CHSY1: variants seen among roughly 807,000 people sequenced by gnomAD.
CHSY1 encodes the protein N-acetylgalactosaminyl-proteoglycan 3-beta-glucuronosyltransferase 1.
A neutral mutation model predicts 59.8 loss-of-function variants in CHSY1; 13 were observed. That is an observed-to-expected ratio of 0.22 (90% CI 0.14 to 0.35). The LOEUF (loss-of-function observed/expected upper bound fraction) is 0.35. Among genes scored for constraint, CHSY1 ranks in the 10% least tolerant of loss-of-function variants. The pLI is 1.00. For missense variants in CHSY1, 947 were observed against 1,030.6 expected (o/e 0.92, Z 1.11); for synonymous variants, 459 against 401.2 (o/e 1.14, Z -1.72).
Position 101,195,514 on chromosome 15 carries a change from T to C in CHSY1, c.817-16534A>G, listed in dbSNP as rs77199806. On this transcript the variant is annotated intron_variant, in intron 2 of 2. Coordinates refer to ENST00000254190, the MANE Select transcript of CHSY1 (RefSeq NM_014918.5). ...TGTGTCAACCGAAAGCTACAAACTTTTTATTACATTTTTTATTTAAAAGCT... is the reference window on the plus strand; with the variant it reads ...TGTGTCAACCGAAAGCTACAAACTTCTTATTACATTTTTTATTTAAAAGCT... 3.2e-3 allele frequency among the ~76,000 whole-genome samples: 494 copies of C among 152,312 alleles called. 1 individual carries two copies. The highest frequency in any genetic ancestry group is 0.011 in the African/African-American group (458 of 41,562).
chr15:101,217,838 C>T (rs1294452343), intron 2 of CHSY1, among the ~76,000 whole-genome samples: 1 of 152,106 alleles, frequency 6.6e-6, no homozygotes, highest in Non-Finnish European at 1.5e-5. Context: ...AACTCCCCAC[C>T]CGTAAGTGTG....
At chr15:101,222,279 A>ACAGAGG (rs1567101192) in intron 2 of CHSY1, among the ~76,000 whole-genome samples, 1 of 152,236 alleles carries the variant, frequency 6.6e-6, no homozygotes, top group Non-Finnish European at 1.5e-5. Flanking sequence ...CCATCAGGAT[A>ACAGAGG]CAGAGGCAGA....
chr15:101,212,507 G>A (rs2038691956), intron 2 of CHSY1, among the ~76,000 whole-genome samples: 1 of 152,188 alleles, frequency 6.6e-6, no homozygotes, highest in South Asian at 2.1e-4. Flanking sequence ...AGTGAGAGAA[G>A]CCTTATACAA....
intron 2 of CHSY1, among the ~76,000 whole-genome samples, chr15:101,234,184 C>T (rs1237795950): frequency 6.6e-6 from 1 of 152,140 alleles, no homozygotes; most frequent in African/African-American, 2.4e-5. Flanking sequence ...TTATGTGTCA[C>T]GGTAACTCAG....
intron 1 of CHSY1, among the ~76,000 whole-genome samples, chr15:101,241,884 G>A (rs8029617): frequency 0.28 from 42,996 of 151,950 alleles, 8,105 homozygotes; most frequent in African/African-American, 0.54. Flanking sequence ...ATCCACAGAC[G>A]CTTTAGTCCC....
At position 101,251,526 on chromosome 15, in the gene CHSY1, G is replaced by A. The variant is rs186377535; in HGVS notation, c.-70C>T. 18,142 of 231,628 alleles carry A rather than the reference G, an allele frequency of 0.078. 746 individuals are homozygous for A. The highest frequency in any genetic ancestry group is 0.23 in the East Asian group (1,206 of 5,138). 14.3% of individuals were successfully genotyped at this position (231,628 alleles called of 1,614,324 possible). On this transcript the variant is annotated 5_prime_UTR_variant, in exon 1 of 3. Coordinates refer to ENST00000254190, the MANE Select transcript of CHSY1 (RefSeq NM_014918.5). ...CGCCCTCAGCCCGCTGCCCCCGCCC[G>A]CGGAGGCCAGCCCGCCCTAGCGCCG...
intron 2 of CHSY1, among the ~76,000 whole-genome samples, chr15:101,210,874 A>G (rs1357103488): frequency 6.6e-6 from 1 of 152,226 alleles, no homozygotes; most frequent in African/African-American, 2.4e-5. Flanking sequence ...AACAGACAAG[A>G]GAAACCTATA....
intron 1 of CHSY1, among the ~76,000 whole-genome samples, chr15:101,248,881 G>C (rs933188553): frequency 1.2e-4 from 18 of 152,034 alleles, no homozygotes; most frequent in Non-Finnish European, 1.3e-4. Flanking sequence ...CTGCCTCCTG[G>C]GTTTACGCCA....
intron 2 of CHSY1, among the ~76,000 whole-genome samples, chr15:101,214,932 C>G (rs2038717027): frequency 6.6e-6 from 1 of 152,178 alleles, no homozygotes; most frequent in Admixed American, 6.5e-5. Context: ...TTTAGCACCT[C>G]CCCTTGGTGC....
At chr15:101,180,764 G>C (rs1373812816) in intron 2 of CHSY1, among the ~76,000 whole-genome samples, 3 of 152,140 alleles carry the variant, frequency 2.0e-5, no homozygotes. Flanking sequence ...TGAAGATAAA[G>C]GCCCTGCCAC....
At chr15:101,209,505 G>C (rs1487214159) in intron 2 of CHSY1, among the ~76,000 whole-genome samples, 1 of 152,070 alleles carries the variant, frequency 6.6e-6, no homozygotes, top group East Asian at 1.9e-4. Context: ...TAAGGAAAAA[G>C]GGTTAAGTAA....
rs567994246 is a variant in CHSY1 at position 101,178,303 on chromosome 15, A to G, written c.1494T>C (p.Asn498=). The change falls in exon 3 of 3, where the codon AAT becomes AAC. Residue 498 remains asparagine (N), a synonymous_variant. Coordinates refer to ENST00000254190, the MANE Select transcript of CHSY1 (RefSeq NM_014918.5). ...GAAAGGACAAGGATCCAGATTCCTG[A>G]TTGATTCTCTTGGCCAACTCTTGTG... The part of the protein sequence containing the change: ...LDAQELAKRI[N]QESGSLSFLS... 3.1e-6 allele frequency: 5 copies of G among 1,609,520 alleles called. No individual in the cohort carries two copies. The East Asian group carries it at 1.1e-4, about 36-fold the overall frequency.
chr15:101,238,557 T>TA (rs548866825), intron 1 of CHSY1, among the ~76,000 whole-genome samples: 241 of 152,304 alleles, frequency 1.6e-3, no homozygotes, highest in African/African-American at 5.7e-3. Context: ...TCAACAAATT[T>TA]AAAAAATACT....
At chr15:101,238,143 TTA>T (rs2038965935) in intron 1 of CHSY1, among the ~76,000 whole-genome samples, 10 of 152,158 alleles carry the variant, frequency 6.6e-5, no homozygotes, top group Non-Finnish European at 2.9e-5. Context: ...ATTGTTTTTT[TTA>T]AAAAAAATTG....
At position 101,251,478 on chromosome 15, in the gene CHSY1, G is replaced by GA; in HGVS notation, c.-23_-22insT. ...CCATGCCCGCGCCGCTCCGCCCGCCGGGCCGCCGCCGCAGGCTCCGCGCGC... is the reference window on the plus strand; with the variant it reads ...CCATGCCCGCGCCGCTCCGCCCGCCGAGGCCGCCGCCGCAGGCTCCGCGCGC... On this transcript the variant is annotated 5_prime_UTR_variant, in exon 1 of 3. Coordinates refer to ENST00000254190, the MANE Select transcript of CHSY1 (RefSeq NM_014918.5). The GA allele has an allele frequency of 3.9e-6, 1 of 257,956 alleles. No individual in the cohort carries two copies. The highest frequency in any genetic ancestry group is 4.3e-6 in the Non-Finnish European group (1 of 231,006). 16.0% of individuals were successfully genotyped at this position (257,956 alleles called of 1,614,324 possible). A position where few individuals can be genotyped will look rare whatever the true frequency, so the allele number is the denominator to read the frequency against.
At chr15:101,182,070 C>T (rs184450652) in intron 2 of CHSY1, among the ~76,000 whole-genome samples, 40 of 152,270 alleles carry the variant, frequency 2.6e-4, no homozygotes, top group Middle Eastern at 3.4e-3. Flanking sequence ...TTTACAAAAT[C>T]AACCGTCTGT....
Position 101,176,308 on chromosome 15 carries a change from C to T in CHSY1, c.*1080G>A, listed in dbSNP as rs1031079061. 2.3e-5 allele frequency: 9 copies of T among 398,422 alleles called. No individual in the cohort carries two copies. The highest frequency in any genetic ancestry group is 1.9e-4 in the African/African-American group (9 of 48,620). 24.7% of individuals were successfully genotyped at this position (398,422 alleles called of 1,614,324 possible). On this transcript the variant is annotated 3_prime_UTR_variant, in exon 3 of 3. Coordinates refer to ENST00000254190, the MANE Select transcript of CHSY1 (RefSeq NM_014918.5). ...ATGAAAACCATCTCCACCCACATAA[C>T]ACAGACAGGATGAAAGGAACAAAAC...
chr15:101,187,639 G>A (rs2038387897), intron 2 of CHSY1: 1 of 152,152 alleles, frequency 6.6e-6, no homozygotes, highest in Non-Finnish European at 1.5e-5. Context: ...TAGAAGTACT[G>A]CAGAAGAAAA....
Position 101,213,748 on chromosome 15 carries a change from C to T in CHSY1, c.816+21334G>A, listed in dbSNP as rs75617130. Among the ~76,000 whole-genome samples the T allele has an allele frequency of 1.5e-3, 222 of 152,280 alleles. 5 individuals carry two copies. In the East Asian group the frequency reaches 0.031, roughly 21 times the overall value. On this transcript the variant is annotated intron_variant, in intron 2 of 2. Coordinates refer to ENST00000254190, the MANE Select transcript of CHSY1 (RefSeq NM_014918.5). The stretch of plus-strand genomic sequence containing the variant: ...AAATATGTCTTTGTGATTAATCACA[C>T]CTTGAAGCAAGATGAAACAGAAGAT...
Sources: allele counts gnomAD v4.1 joint callset (sites outside exome capture counted in the v4.1 genomes callset), GRCh38; gene constraint gnomAD v4.1.1; transcripts MANE v1.5; gene names NCBI Gene and HGNC (gene_info 2026-07-23, HGNC 2026-07-21).